Variants in ETV1 observed in about 807,000 individuals in gnomAD.
ETV1 encodes the protein ETS variant transcription factor 1, also known as ETS translocation variant 1.
In ETV1, 27 loss-of-function variants were observed where a neutral mutation model predicts 62.3. The ratio of observed to expected loss-of-function variants is 0.43; its 90% CI spans 0.32 to 0.60. The LOEUF (loss-of-function observed/expected upper bound fraction) is 0.60, where lower values mean the gene tolerates loss of function less well. Ranked by LOEUF, ETV1 falls within the 20% of genes least tolerant of loss-of-function variation. The pLI, the probability that ETV1 is intolerant of heterozygous loss-of-function variation, is 0.06. For missense variants in ETV1, 605 were observed against 605.8 expected, an observed-to-expected ratio of 1.00 and a Z score of 0.01; for synonymous variants, 222 against 199.6, an observed-to-expected ratio of 1.11 and a Z score of -0.94.
chr7:13,921,914 A>C (rs1784891752), intron 9 of ETV1, among the ~76,000 whole-genome samples: 1 of 152,174 alleles, frequency 6.6e-6, no homozygotes, highest in Admixed American at 6.5e-5. Flanking sequence ...CTAAGGAATT[A>C]CTTTTTAAGG....
Position 13,989,356 on chromosome 7 carries a change from A to G in ETV1, c.-176T>C, listed in dbSNP as rs1782851296. 2.1e-6 allele frequency: 1 copy of G among 486,436 alleles called. No individual in the cohort carries two copies. Among genetic ancestry groups the G allele is most frequent in the Admixed American group, 3.9e-5 (1 of 25,776 alleles). The allele number at this position is 486,436 out of a possible 1,614,324, so 30.1% of individuals were successfully genotyped here. On this transcript the variant is annotated 5_prime_UTR_variant, in exon 2 of 14. Coordinates refer to ENST00000430479, the MANE Select transcript of ETV1 (RefSeq NM_004956.5). Reference sequence around the variant, plus strand: ...AACAAGAGGCGATGTATTTATTTACACTCTCGATGTTTCCCTGCGCGGTCG... The same window carrying G: ...AACAAGAGGCGATGTATTTATTTACGCTCTCGATGTTTCCCTGCGCGGTCG...
intron 4 of ETV1, among the ~76,000 whole-genome samples, chr7:13,987,322 G>A (rs967940633): frequency 2.0e-5 from 3 of 151,802 alleles, no homozygotes; most frequent in African/African-American, 7.3e-5. Flanking sequence ...GAGAGAGGGA[G>A]GTATTTAAAT....
rs891706413 is a variant in ETV1 at position 13,894,150 on chromosome 7, T to C, written c.*1716A>G. Reference sequence around the variant, plus strand: ...AATAGGTTTATTTTGACTTTGTGTTTAGAATTTTTTTTTTTTTTTGCTTTT... The same window carrying C: ...AATAGGTTTATTTTGACTTTGTGTTCAGAATTTTTTTTTTTTTTTGCTTTT... On this transcript the variant is annotated 3_prime_UTR_variant, in exon 14 of 14. Coordinates refer to ENST00000430479, the MANE Select transcript of ETV1 (RefSeq NM_004956.5). The C allele has an allele frequency of 7.1e-5, 16 of 225,968 alleles. No homozygotes were observed. 14.0% of individuals were successfully genotyped at this position (225,968 alleles called of 1,614,324 possible).
intron 11 of ETV1, among the ~76,000 whole-genome samples, chr7:13,908,503 C>T (rs532018914): frequency 1.3e-5 from 2 of 152,184 alleles, no homozygotes; most frequent in South Asian, 4.1e-4. Context: ...GCTAATGTTG[C>T]TAAATAGTAC....
intron 9 of ETV1, among the ~76,000 whole-genome samples, chr7:13,925,517 A>T (rs1298204428): frequency 6.6e-6 from 1 of 152,018 alleles, no homozygotes; most frequent in African/African-American, 2.4e-5. Flanking sequence ...CACTTATAGG[A>T]CTGACGTGAT....
At chr7:13,948,742 G>C (rs1788455869) in intron 6 of ETV1, among the ~76,000 whole-genome samples, 1 of 152,102 alleles carries the variant, frequency 6.6e-6, no homozygotes, top group Admixed American at 6.6e-5. Flanking sequence ...GCTGATTCCT[G>C]TTCCAGAATA....
intron 9 of ETV1, among the ~76,000 whole-genome samples, chr7:13,919,565 T>TACACAC (rs35735011): frequency 0.056 from 7,592 of 135,324 alleles, 347 homozygotes; most frequent in African/African-American, 0.13. Context: ...ATAGAAACCA[T>TACACAC]ACACACACAC....
At position 13,892,626 on chromosome 7, in the gene ETV1, A is replaced by G. The variant is rs989017187; in HGVS notation, c.*3240T>C. ...TTATCTAGCCAAAGGGACTTGGCAC[A>G]CGTCATTAAGTTAAGGATCTTGAGA... On this transcript the variant is annotated 3_prime_UTR_variant, in exon 14 of 14. Transcript: ENST00000430479. 7 of 232,488 alleles carry G rather than the reference A, an allele frequency of 3.0e-5. No homozygotes were observed. The highest frequency in any genetic ancestry group is 1.5e-4 in the African/African-American group (7 of 45,430). 14.4% of individuals were successfully genotyped at this position (232,488 alleles called of 1,614,324 possible). A position where few individuals can be genotyped will look rare whatever the true frequency, so the allele number is the denominator to read the frequency against.
intron 6 of ETV1, among the ~76,000 whole-genome samples, chr7:13,971,227 T>C (rs1236546731): frequency 6.6e-6 from 1 of 152,206 alleles, no homozygotes; most frequent in Non-Finnish European, 1.5e-5. Context: ...TGCCTCGGCC[T>C]CCCAAAGTGC....
chr7:13,909,805 C>T lies in ETV1; in HGVS notation c.872-105G>A, dbSNP rs1030454717. On this transcript the variant is annotated intron_variant, in intron 10 of 13. Transcript: ENST00000430479. ...AAATTGTGATAGAAAATGACTCTGC[C>T]ACCACCTTTCAGTTCCTTGAGCCCT... 37 of 942,512 alleles carry T rather than the reference C, an allele frequency of 3.9e-5. No individual in the cohort carries two copies. The African/African-American group carries it at 5.4e-4, about 14-fold the overall frequency. The allele number at this position is 942,512 out of a possible 1,614,324, so 58.4% of individuals were successfully genotyped here.
intron 5 of ETV1, among the ~76,000 whole-genome samples, chr7:13,980,374 G>C (rs914431325): frequency 6.6e-6 from 1 of 152,134 alleles, no homozygotes; most frequent in Admixed American, 6.5e-5. Flanking sequence ...CTGTGAAGGA[G>C]CAAACTGCAG....
chr7:13,897,291 C>T (rs1781948194), intron 13 of ETV1, among the ~76,000 whole-genome samples: 1 of 152,072 alleles, frequency 6.6e-6, no homozygotes, highest in African/African-American at 2.4e-5. Context: ...AAGGCATTTG[C>T]TAGTTGATTT....
intron 6 of ETV1, among the ~76,000 whole-genome samples, chr7:13,974,312 TA>T (rs1781190662): frequency 6.6e-6 from 1 of 152,176 alleles, no homozygotes; most frequent in Non-Finnish European, 1.5e-5. Context: ...TTAGAAGGGC[TA>T]AAGTACAGAG....
rs776790144 is a variant in ETV1 at position 13,960,791 on chromosome 7, GA to G, written c.235+16635del. ...ATTTAGCATGCAGAATCCAATTGATGAAACTCAAATTCTGATTTGTTTTGTT... is the reference window on the plus strand; with the variant it reads ...ATTTAGCATGCAGAATCCAATTGATGAACTCAAATTCTGATTTGTTTTGTT... On this transcript the variant is annotated intron_variant, in intron 6 of 13. Coordinates refer to ENST00000430479, the MANE Select transcript of ETV1 (RefSeq NM_004956.5). 1.5e-4 allele frequency among the ~76,000 whole-genome samples: 23 copies of G among 152,210 alleles called. 1 individual carries two copies. Among genetic ancestry groups the G allele is most frequent in the South Asian group, 2.1e-4 (1 of 4,818 alleles).
At chr7:13,913,311 T>A (rs1783745672) in intron 9 of ETV1, among the ~76,000 whole-genome samples, 1 of 152,228 alleles carries the variant, frequency 6.6e-6, no homozygotes. Context: ...AGTTTAAGGA[T>A]CATTAGTACA....
chr7:13,985,308 T>G (rs1398521292), intron 5 of ETV1: 2 of 152,116 alleles, frequency 1.3e-5, no homozygotes, highest in East Asian at 3.8e-4. Context: ...TTACACAGAC[T>G]AGCAAAATGA....
At chr7:13,919,646 T>C (rs1475903689) in intron 9 of ETV1, among the ~76,000 whole-genome samples, 1 of 150,976 alleles carries the variant, frequency 6.6e-6, no homozygotes, top group Non-Finnish European at 1.5e-5. Flanking sequence ...AAAAATTCCT[T>C]GAAAATTTTT....
chr7:13,935,987 A>C, intron 7 of ETV1, 91 bp from the exon 8 acceptor site: 1 of 1,012,772 alleles, frequency 9.9e-7, no homozygotes, highest in East Asian at 2.5e-5. Flanking sequence ...AAGATATTTT[A>C]GACTTAAGTC....
At chr7:13,904,129 G>A (rs1448472670) in intron 12 of ETV1, among the ~76,000 whole-genome samples, 1 of 152,232 alleles carries the variant, frequency 6.6e-6, no homozygotes, top group African/African-American at 2.4e-5. Flanking sequence ...CCTTTCCAAA[G>A]AAGAAATTTA....
Sources: gnomAD v4.1 joint callset for allele counts (sites outside exome capture counted in the v4.1 genomes callset) on GRCh38, gnomAD v4.1.1 for gene constraint, MANE v1.5 for transcripts, NCBI Gene and HGNC (gene_info 2026-07-23, HGNC 2026-07-21) for gene names.